The following BCAT1 variants were observed in gnomAD, a reference collection of about 807,000 sequenced individuals.
BCAT1 encodes branched-chain-amino-acid aminotransferase, cytosolic.
A neutral mutation model predicts 52.4 loss-of-function variants in BCAT1; 48 were observed. The observed-to-expected ratio is 0.92, with a 90% CI of 0.73 to 1.16. BCAT1 has a LOEUF of 1.16. BCAT1 is among the 50% of genes most tolerant of loss of function. The probability of loss-of-function intolerance (pLI) is 0.00; values close to 1 mark genes in which losing one functional copy is unlikely to be tolerated. For synonymous variants in BCAT1, 167 were observed against 161.3 expected, an observed-to-expected ratio of 1.04 and a Z score of -0.27; for missense variants, 451 against 457.1, an observed-to-expected ratio of 0.99 and a Z score of 0.12.
chr12:24,834,854 G>A (rs989255285), intron 8 of BCAT1: 2 of 1,016,462 alleles, frequency 2.0e-6, no homozygotes, highest in African/African-American at 3.5e-5. Flanking sequence ...AAGCAGAATT[G>A]TTTTTGCTCT....
At chr12:24,820,876 A>G (rs1471843) in intron 10 of BCAT1, among the ~76,000 whole-genome samples, 111,519 of 152,068 alleles carry the variant, frequency 0.73, 41,010 homozygotes, top group East Asian at 0.87. Context: ...CACAACCTGC[A>G]TGTCATGCAG....
chr12:24,840,362 G>T (rs1185620307), intron 7 of BCAT1, among the ~76,000 whole-genome samples: 1 of 152,140 alleles, frequency 6.6e-6, no homozygotes. Context: ...GTGGGCAGAT[G>T]GGAAGAAGGG....
At chr12:24,905,597 T>C (rs1025222551) in intron 1 of BCAT1, among the ~76,000 whole-genome samples, 4 of 152,184 alleles carry the variant, frequency 2.6e-5, no homozygotes, top group Non-Finnish European at 1.5e-5. Flanking sequence ...GAAGTACAAA[T>C]TTTTCCCTAC....
intron 5 of BCAT1, among the ~76,000 whole-genome samples, chr12:24,868,255 C>T (rs2139549630): frequency 6.6e-6 from 1 of 152,102 alleles, no homozygotes; most frequent in East Asian, 1.9e-4. Flanking sequence ...AATGTTACAT[C>T]TTGTAATTTA....
chr12:24,904,999 T>G (rs1481178568), intron 1 of BCAT1, among the ~76,000 whole-genome samples: 1 of 152,210 alleles, frequency 6.6e-6, no homozygotes, highest in African/African-American at 2.4e-5. Flanking sequence ...TCTGAAAGAT[T>G]AAAGAAATTT....
At chr12:24,840,249 A>G (rs1299836356) in intron 7 of BCAT1, among the ~76,000 whole-genome samples, 3 of 152,152 alleles carry the variant, frequency 2.0e-5, no homozygotes, top group Non-Finnish European at 1.5e-5. Flanking sequence ...AAATTCTGAC[A>G]TCTCCCATCC....
intron 1 of BCAT1, among the ~76,000 whole-genome samples, chr12:24,938,598 C>A (rs1303574955): frequency 6.6e-6 from 1 of 152,026 alleles, no homozygotes; most frequent in Non-Finnish European, 1.5e-5. Flanking sequence ...TCTGTATTTA[C>A]CAGTGGGCTG....
intron 10 of BCAT1, among the ~76,000 whole-genome samples, chr12:24,821,213 C>T (rs1045196275): frequency 2.0e-5 from 3 of 152,170 alleles, no homozygotes; most frequent in Non-Finnish European, 4.4e-5. Context: ...CACTAATAGT[C>T]ATTTGTCCTT....
Position 24,893,698 on chromosome 12 carries a change from A to G in BCAT1, c.279+577T>C, listed in dbSNP as rs552657652. Among the ~76,000 whole-genome samples the G allele has an allele frequency of 2.6e-5, 4 of 152,346 alleles. No homozygotes were observed. In the South Asian group the frequency reaches 6.2e-4, roughly 24 times the overall value. On this transcript the variant is annotated intron_variant, in intron 3 of 10. Transcript: ENST00000261192. Reference sequence around the variant, plus strand: ...AAGATGTCCAAATCATTCAAAAGTAAAATACAATGAGAATCAAGACAATGG... The same window carrying G: ...AAGATGTCCAAATCATTCAAAAGTAGAATACAATGAGAATCAAGACAATGG...
rs73293773 is a variant in BCAT1 at position 24,937,352 on chromosome 12, T to A, written c.6+11575A>T. Among the ~76,000 whole-genome samples, 1,318 of 151,792 alleles carry A rather than the reference T, an allele frequency of 8.7e-3. 20 individuals carry two copies. The highest frequency in any genetic ancestry group is 0.06 in the East Asian group (310 of 5,174). ...AAAAGAGTTTGGGGGATGAGGGAGG[T>A]GGAAACGGCAAAACAAGATGAGGCT... On this transcript the variant is annotated intron_variant, in intron 1 of 10. Coordinates refer to ENST00000261192, the MANE Select transcript of BCAT1 (RefSeq NM_005504.7).
At position 24,813,805 on chromosome 12, in the gene BCAT1, C is replaced by T. The variant is rs892983138; in HGVS notation, c.*4203G>A. ...TTTCTTGATAAGAGATGTGTTCTGG[C>T]CTTCTTTGCTTATGATCTAACTATT... is the stretch of plus-strand genomic sequence containing the variant. On this transcript the variant is annotated 3_prime_UTR_variant, in exon 11 of 11. Transcript: ENST00000261192. 5 of 152,008 alleles carry T rather than the reference C, an allele frequency of 3.3e-5. No individual in the cohort carries two copies. Among genetic ancestry groups the T allele is most frequent in the Non-Finnish European group, 7.4e-5 (5 of 67,946 alleles). 9.4% of individuals were successfully genotyped at this position (152,008 alleles called of 1,614,324 possible).
intron 3 of BCAT1, among the ~76,000 whole-genome samples, chr12:24,882,903 C>A (rs902824634): frequency 6.6e-6 from 1 of 152,044 alleles, no homozygotes; most frequent in Non-Finnish European, 1.5e-5. Flanking sequence ...ACCTGGCCTG[C>A]AAATACTTTC....
At chr12:24,899,950 C>G (rs370117177) in intron 2 of BCAT1, among the ~76,000 whole-genome samples, 15 of 151,946 alleles carry the variant, frequency 9.9e-5, no homozygotes, top group East Asian at 5.8e-4. Flanking sequence ...TTAATGAGTA[C>G]AAACATACAG....
At chr12:24,902,738 A>C in intron 1 of BCAT1, 1 of 721,492 alleles carries the variant, frequency 1.4e-6, no homozygotes, top group Non-Finnish European at 2.1e-6. Flanking sequence ...GGCAGCGGGA[A>C]CCTCGAAGAG....
intron 9 of BCAT1, 62 bp from the exon 10 acceptor site, chr12:24,829,959 A>G: frequency 7.8e-7 from 1 of 1,276,076 alleles, no homozygotes; most frequent in Non-Finnish European, 1.1e-6. Flanking sequence ...ATAACAGATA[A>G]GACACTCAAG....
chr12:24,840,648 A>G (rs545238888), intron 7 of BCAT1, among the ~76,000 whole-genome samples: 8 of 152,220 alleles, frequency 5.3e-5, no homozygotes, highest in South Asian at 4.1e-4. Flanking sequence ...CTCTGACTGC[A>G]GTATAAGACT....
chr12:24,876,907 T>C (rs1171191251), intron 5 of BCAT1, among the ~76,000 whole-genome samples: 1 of 152,028 alleles, frequency 6.6e-6, no homozygotes, highest in African/African-American at 2.4e-5. Context: ...TGGCTTACAT[T>C]TACCTATATA....
chr12:24,863,459 G>A (rs1186309980), intron 5 of BCAT1, among the ~76,000 whole-genome samples: 5 of 152,196 alleles, frequency 3.3e-5, no homozygotes, highest in South Asian at 2.1e-4. Context: ...TTTGAAGAGT[G>A]GAAAATGAGC....
In BCAT1 at chr12:24,875,452, C is replaced by T. The variant is rs80238809; in HGVS notation, c.510+3078G>A. Among the ~76,000 whole-genome samples, 4 of 152,224 alleles carry T rather than the reference C, an allele frequency of 2.6e-5. No individual in the cohort carries two copies. In the East Asian group the frequency reaches 7.7e-4, roughly 29 times the overall value. ...TTCGTTAATAAATAATGTTGACTCC[C>T]CAAATAGTATTCATTATTTCCTTCA... On this transcript the variant is annotated intron_variant, in intron 5 of 10. Transcript: ENST00000261192.
Sources: gnomAD v4.1 joint callset for allele counts (sites outside exome capture counted in the v4.1 genomes callset) on GRCh38, gnomAD v4.1.1 for gene constraint, MANE v1.5 for transcripts, NCBI Gene and HGNC (gene_info 2026-07-23, HGNC 2026-07-21) for gene names.